TSC22D2: variants seen among roughly 807,000 people sequenced by gnomAD.
TSC22D2 encodes the protein TSC22 domain family member 2.
Under a neutral mutation model 50.1 loss-of-function variants are expected in TSC22D2, and 5 were observed. The ratio of observed to expected loss-of-function variants is 0.10; its 90% confidence interval spans 0.05 to 0.21. The LOEUF (loss-of-function observed/expected upper bound fraction) is 0.21, where lower values mean the gene tolerates loss of function less well. Ranked by LOEUF, TSC22D2 falls within the 10% of genes least tolerant of loss-of-function variation. The pLI is 1.00. For synonymous variants in TSC22D2, 501 were observed against 450.1 expected (o/e 1.11, Z -1.43); for missense variants, 1,003 against 1,015.5 (o/e 0.99, Z 0.17).
chr3:150,412,516 T>C (rs1450546803), intron 1 of TSC22D2, among the ~76,000 whole-genome samples: 1 of 152,234 alleles, frequency 6.6e-6, no homozygotes, highest in Non-Finnish European at 1.5e-5. Flanking sequence ...GCCTTGTATT[T>C]TTGTTATATA....
rs537099234 is a variant in TSC22D2 at position 150,463,499 on chromosome 3, T to G, written c.*4863T>G. 42 of 152,362 alleles carry G rather than the reference T, an allele frequency of 2.8e-4. No homozygotes were observed. Among genetic ancestry groups the G allele is most frequent in the African/African-American group, 9.4e-4 (39 of 41,582 alleles). The allele number at this position is 152,362 out of a possible 1,614,324, so 9.4% of individuals were successfully genotyped here. On this transcript the variant is annotated 3_prime_UTR_variant, in exon 3 of 3. Coordinates refer to ENST00000688009, the MANE Select transcript of TSC22D2 (RefSeq NM_001303264.2). ...ACCCCATTTACTCCTTTTCAATATT[T>G]CAGGATACATCTTTGTCCTGTATTT...
chr3:150,411,947 GAT>G (rs1719590579), intron 1 of TSC22D2, among the ~76,000 whole-genome samples: 1 of 152,200 alleles, frequency 6.6e-6, no homozygotes, highest in African/African-American at 2.4e-5. Context: ...GTACTGGAAA[GAT>G]ATTCTTACTT....
intron 1 of TSC22D2, among the ~76,000 whole-genome samples, chr3:150,413,156 A>T (rs918166054): frequency 1.3e-5 from 2 of 152,214 alleles, no homozygotes; most frequent in Non-Finnish European, 2.9e-5. Flanking sequence ...ACTGAAATGT[A>T]TTCTTTAGGG....
chr3:150,426,386 C>T (rs1333245956), intron 1 of TSC22D2, among the ~76,000 whole-genome samples: 1 of 152,134 alleles, frequency 6.6e-6, no homozygotes, highest in African/African-American at 2.4e-5. Context: ...GTTAAATTGG[C>T]AGAATTAGTT....
chr3:150,464,628 A>G lies in TSC22D2; in HGVS notation c.*5992A>G, dbSNP rs1334585741. On this transcript the variant is annotated 3_prime_UTR_variant, in exon 3 of 3. Coordinates refer to ENST00000688009, the MANE Select transcript of TSC22D2 (RefSeq NM_001303264.2). ...TTGTGAACCTTATATCATTTGTTAA[A>G]TGAAAGGTTTTTATAAATCAACAGT... The G allele has an allele frequency of 6.6e-6, 1 of 152,194 alleles. No homozygotes were observed. The highest frequency in any genetic ancestry group is 1.5e-5 in the Non-Finnish European group (1 of 68,014). 9.4% of individuals were successfully genotyped at this position (152,194 alleles called of 1,614,324 possible). A position where few individuals can be genotyped will look rare whatever the true frequency, so the allele number is the denominator to read the frequency against.
intron 1 of TSC22D2, among the ~76,000 whole-genome samples, chr3:150,413,837 C>A (rs1445821481): frequency 6.6e-6 from 1 of 151,702 alleles, no homozygotes; most frequent in East Asian, 1.9e-4. Flanking sequence ...AGTAGTTTGA[C>A]AAATTTCAGA....
rs957575842 is a variant in TSC22D2 at position 150,461,524 on chromosome 3, G to T, written c.*2888G>T. The T allele has an allele frequency of 6.6e-6, 1 of 151,998 alleles. No individual in the cohort carries two copies. The highest frequency in any genetic ancestry group is 1.5e-5 in the Non-Finnish European group (1 of 68,002). 9.4% of individuals were successfully genotyped at this position (151,998 alleles called of 1,614,324 possible). A position where few individuals can be genotyped will look rare whatever the true frequency, so the allele number is the denominator to read the frequency against. On this transcript the variant is annotated 3_prime_UTR_variant, in exon 3 of 3. Transcript: ENST00000688009. ...TCATAAGTAGAAATTTTTCTGATAC[G>T]GTAATTGTCTACAATTCAAACCTAA...
intron 1 of TSC22D2, among the ~76,000 whole-genome samples, chr3:150,412,137 A>G (rs1332576787): frequency 6.6e-6 from 1 of 152,160 alleles, no homozygotes; most frequent in East Asian, 1.9e-4. Context: ...GTGTATTGCT[A>G]CACCAGTGCC....
chr3:150,409,952 G>C lies in TSC22D2; in HGVS notation c.602G>C (p.Cys201Ser), dbSNP rs1719452424. Residue 201 changes from cysteine (C) to serine (S), a missense_variant, in exon 1 of 3, where the codon TGC becomes TCC. By Grantham distance (112) the Cys-to-Ser change is moderately radical (BLOSUM62 -1). Coordinates refer to ENST00000688009, the MANE Select transcript of TSC22D2 (RefSeq NM_001303264.2). The surrounding 1 kb of genome is among the most constrained non-coding windows in gnomAD (Gnocchi z 7.4). ...AGCGTCCTGACTAGATCCGGGGATT[G>C]CATTAGACACAGCAGTACTTTTGAC... The part of the protein sequence containing the change: ...DSSVLTRSGD[C>S]IRHSSTFDQT... 1 of 1,613,986 alleles carries C rather than the reference G, an allele frequency of 6.2e-7. No homozygotes were observed. The highest frequency in any genetic ancestry group is 1.3e-5 in the African/African-American group (1 of 75,060).
intron 1 of TSC22D2, among the ~76,000 whole-genome samples, chr3:150,413,413 T>C (rs1185583708): frequency 6.6e-6 from 1 of 152,186 alleles, no homozygotes; most frequent in Non-Finnish European, 1.5e-5. Flanking sequence ...TCATTTCTGA[T>C]TTTTGTTACA....
intron 1 of TSC22D2, among the ~76,000 whole-genome samples, chr3:150,415,468 A>G (rs989088444): frequency 6.6e-6 from 1 of 152,240 alleles, no homozygotes; most frequent in Non-Finnish European, 1.5e-5. Context: ...TGGTAGGGGT[A>G]TATATGTCCT....
chr3:150,439,024 G>A (rs1230340911), intron 1 of TSC22D2, among the ~76,000 whole-genome samples: 1 of 152,080 alleles, frequency 6.6e-6, no homozygotes, highest in Non-Finnish European at 1.5e-5. Flanking sequence ...TTTGTAGGGG[G>A]ACCATTGGAA....
Position 150,410,611 on chromosome 3 carries a change from T to G in TSC22D2, c.1261T>G (p.Ser421Ala), listed in dbSNP as rs1337479224. The change falls in exon 1 of 3, where the codon TCG (serine) becomes GCG (alanine). Residue 421 changes from serine to alanine, a missense_variant. This residue lies in a region of TSC22D2 where 696 missense variants were observed against 647.8 expected (regional missense o/e 1.07). Transcript: ENST00000688009. ...CGTGGGCACCGGCCAGAATGCTTCC[T>G]CGGTGGGCGCGCAGCTCATGGGCGC... is the stretch of plus-strand genomic sequence containing the variant. ...LPVGTGQNAS[S>A]VGAQLMGASS... is the part of the protein sequence containing the mutation. 1.3e-6 allele frequency: 2 copies of G among 1,557,508 alleles called. No individual in the cohort carries two copies. The highest frequency in any genetic ancestry group is 2.4e-5 in the East Asian group (1 of 41,820).
In TSC22D2 at chr3:150,464,617, T is replaced by A. The variant is rs1047458311; in HGVS notation, c.*5981T>A. The A allele has an allele frequency of 4.6e-5, 7 of 152,218 alleles. No individual in the cohort carries two copies. The highest frequency in any genetic ancestry group is 1.0e-4 in the Non-Finnish European group (7 of 68,040). The allele number at this position is 152,218 out of a possible 1,614,324, so 9.4% of individuals were successfully genotyped here. ...TATGTTATAGTTTGTGAACCTTATA[T>A]CATTTGTTAAATGAAAGGTTTTTAT... On this transcript the variant is annotated 3_prime_UTR_variant, in exon 3 of 3. Transcript: ENST00000688009.
intron 1 of TSC22D2, among the ~76,000 whole-genome samples, chr3:150,423,683 T>C (rs2108071766): frequency 6.6e-6 from 1 of 152,328 alleles, no homozygotes; most frequent in East Asian, 1.9e-4. Context: ...TGTATAGATT[T>C]TACTGTTAAC....
chr3:150,453,961 CATTT>C (rs1721117532), intron 1 of TSC22D2, among the ~76,000 whole-genome samples: 3 of 152,128 alleles, frequency 2.0e-5, no homozygotes, highest in African/African-American at 7.2e-5. Context: ...TATGTAAACT[CATTT>C]AATCCTCACA....
chr3:150,445,340 T>C (rs886632782), intron 1 of TSC22D2, among the ~76,000 whole-genome samples: 1 of 148,426 alleles, frequency 6.7e-6, no homozygotes, highest in African/African-American at 2.5e-5. Flanking sequence ...ATAATAATAA[T>C]AATAATAATA....
Position 150,458,495 on chromosome 3 carries a change from A to G in TSC22D2, c.2130A>G (p.Lys710=). 6.2e-7 allele frequency: 1 copy of G among 1,614,120 alleles called. No individual in the cohort carries two copies. The highest frequency in any genetic ancestry group is 8.5e-7 in the Non-Finnish European group (1 of 1,180,016). The part of the protein sequence containing the change: ...SLLERENALL[K]SLSSNDQLSQ... Reference sequence around the variant, plus strand: ...TTGAACGAGAAAATGCACTGTTAAAATCTCTTTCAAGCAATGATCAATTAT... The same window carrying G: ...TTGAACGAGAAAATGCACTGTTAAAGTCTCTTTCAAGCAATGATCAATTAT... Residue 710 remains lysine, a synonymous_variant, in exon 3 of 3, where the codon AAA becomes AAG. Transcript: ENST00000688009.
In TSC22D2 at chr3:150,409,324, C is replaced by T. The variant is rs775687362; in HGVS notation, c.-27C>T. ...GACAGGACCCAGAGGAGCCGGCGTG[C>T]CTCTCTGCCCTCCAGCCTTCTTCAC... On this transcript the variant is annotated 5_prime_UTR_variant, in exon 1 of 3. Coordinates refer to ENST00000688009, the MANE Select transcript of TSC22D2 (RefSeq NM_001303264.2). The surrounding 1 kb of genome is among the most constrained non-coding windows in gnomAD (Gnocchi z 7.4). 2 of 1,561,840 alleles carry T rather than the reference C, an allele frequency of 1.3e-6. No individual in the cohort carries two copies. The highest frequency in any genetic ancestry group is 2.3e-5 in the South Asian group (2 of 86,754).
Sources: allele counts gnomAD v4.1 joint callset (sites outside exome capture counted in the v4.1 genomes callset), GRCh38; gene constraint gnomAD v4.1.1; regional missense constraint gnomAD v4.1.1; non-coding constraint Gnocchi (gnomAD v3.1); transcripts MANE v1.5; gene names NCBI Gene and HGNC (gene_info 2026-07-23, HGNC 2026-07-21).